Variants in OR56A3 observed in about 807,000 individuals in gnomAD.
OR56A3 encodes olfactory receptor family 56 subfamily A member 3, also known as olfactory receptor 56A3.
In OR56A3, 23 loss-of-function variants were observed where a neutral mutation model predicts 17.5. The ratio of observed to expected loss-of-function variants is 1.32; its 90% confidence interval spans 0.95 to 1.87. The LOEUF (loss-of-function observed/expected upper bound fraction) is 1.87, where lower values mean the gene tolerates loss of function less well. Ranked by LOEUF, OR56A3 falls within the 40% of genes most tolerant of loss-of-function variation. OR56A3 has a pLI of 0.00. For missense variants in OR56A3, 366 were observed against 380.1 expected, an observed-to-expected ratio of 0.96 and a Z score of 0.31; for synonymous variants, 175 against 150.6, an observed-to-expected ratio of 1.16 and a Z score of -1.19.
Position 5,947,399 on chromosome 11 carries a change from T to A in OR56A3, c.53T>A (p.Leu18Ter). 6.2e-7 allele frequency: 1 copy of A among 1,613,934 alleles called. No homozygotes were observed. Residue 18 changes from leucine (L) to a stop codon, truncating the protein, a stop_gained, in exon 3 of 3, where the codon TTG becomes TAG. Coordinates refer to ENST00000641160, the MANE Select transcript of OR56A3 (RefSeq NM_001003443.3). LOFTEE classifies it high-confidence loss of function. ...TLSTEASDFLLNCFVRSPSWQ... is the reference protein window; with the variant it reads ...TLSTEASDFL ...TCCACTGAAGCTTCAGACTTCCTCTTGAATTGTTTTGTCAGATCCCCCAGC... is the reference window on the plus strand; with the variant it reads ...TCCACTGAAGCTTCAGACTTCCTCTAGAATTGTTTTGTCAGATCCCCCAGC...
At chr11:6,002,223 A>G in the OR56A3 span, 1 of 1,614,174 alleles carries the variant, frequency 6.2e-7, no homozygotes, top group Non-Finnish European at 8.5e-7. Flanking sequence ...AACCAGCAGG[A>G]CTGTGCTGAA....
At chr11:5,977,286 C>T in the OR56A3 span, among the ~76,000 whole-genome samples, 627 of 152,256 alleles carry the variant, frequency 4.1e-3, 2 homozygotes, top group African/African-American at 0.015. Context: ...TGAGAAATCT[C>T]CAAACTGCTT....
chr11:5,979,876 ATATGT>A, the OR56A3 span, among the ~76,000 whole-genome samples: 10 of 151,962 alleles, frequency 6.6e-5, no homozygotes, highest in African/African-American at 2.2e-4. Flanking sequence ...AGAGATTCTC[ATATGT>A]TATATCTCTG....
chr11:5,987,053 C>CACCAAAGGAGAT, the OR56A3 span: 2 of 850,296 alleles, frequency 2.4e-6, no homozygotes, highest in Non-Finnish European at 3.6e-6. Flanking sequence ...AGAAAATCTC[C>CACCAAAGGAGAT]TTTGGTGGAG....
chr11:6,008,706 C>T, the OR56A3 span, among the ~76,000 whole-genome samples: 1 of 151,950 alleles, frequency 6.6e-6, no homozygotes, highest in Non-Finnish European at 1.5e-5. Flanking sequence ...ATTTAACAAA[C>T]ATTAATCTTG....
the OR56A3 span, among the ~76,000 whole-genome samples, chr11:5,983,016 A>T: frequency 6.6e-6 from 1 of 151,458 alleles, no homozygotes; most frequent in Non-Finnish European, 1.5e-5. Flanking sequence ...AAGTGTTGTC[A>T]GTATTCTTGA....
At chr11:6,007,841 G>A in the OR56A3 span, among the ~76,000 whole-genome samples, 9 of 152,194 alleles carry the variant, frequency 5.9e-5, no homozygotes, top group Non-Finnish European at 1.3e-4. Flanking sequence ...TGCTTTTCCT[G>A]TGAACCTTTC....
At chr11:6,014,007 A>G in the OR56A3 span, among the ~76,000 whole-genome samples, 1 of 152,194 alleles carries the variant, frequency 6.6e-6, no homozygotes, top group Non-Finnish European at 1.5e-5. Context: ...CACTACCAGT[A>G]CCCAAACAAG....
chr11:5,986,816 C>G, the OR56A3 span: 10 of 1,613,902 alleles, frequency 6.2e-6, no homozygotes, highest in African/African-American at 1.2e-4. Flanking sequence ...TGGCTTTCCT[C>G]TAAACCTGGA....
the OR56A3 span, chr11:5,999,561 C>G: frequency 2.6e-5 from 4 of 152,258 alleles, no homozygotes; most frequent in Admixed American, 2.0e-4. Context: ...TGTCTCAATC[C>G]TAATGGTCTT....
rs776891153 is a variant in OR56A3 at position 5,947,337 on chromosome 11, A to G, written c.-10A>G. On this transcript the variant is annotated 5_prime_UTR_variant, in exon 3 of 3. The change creates a new upstream start codon in the 5' untranslated region. Coordinates refer to ENST00000641160, the MANE Select transcript of OR56A3 (RefSeq NM_001003443.3). Reference sequence around the variant, plus strand: ...TCACTGAAAGAAAGCAGTAAAATATATGGGAAAATATGACAACACACCGAA... The same window carrying G: ...TCACTGAAAGAAAGCAGTAAAATATGTGGGAAAATATGACAACACACCGAA... 6 of 1,568,278 alleles carry G rather than the reference A, an allele frequency of 3.8e-6. No individual in the cohort carries two copies. Among genetic ancestry groups the G allele is most frequent in the Middle Eastern group, 1.7e-4 (1 of 5,810 alleles).
the OR56A3 span, among the ~76,000 whole-genome samples, chr11:6,010,817 A>ATGTG: frequency 1.3e-3 from 196 of 149,878 alleles, 1 homozygote; most frequent in Non-Finnish European, 1.4e-3. Flanking sequence ...CAAGACAGAA[A>ATGTG]TGTGTGTGTG....
At chr11:6,016,769 C>G in the OR56A3 span, among the ~76,000 whole-genome samples, 1 of 149,608 alleles carries the variant, frequency 6.7e-6, no homozygotes, top group South Asian at 2.1e-4. Context: ...AAAAAAAACC[C>G]CAGAAAATCA....
At chr11:6,002,716 TGA>T in the OR56A3 span, 1 of 1,614,208 alleles carries the variant, frequency 6.2e-7, no homozygotes, top group East Asian at 2.2e-5. Flanking sequence ...CTGATCGACC[TGA>T]GGTCAAACCA....
chr11:6,001,852 GA>G, the OR56A3 span: 2 of 522,620 alleles, frequency 3.8e-6, no homozygotes, highest in Non-Finnish European at 6.4e-6. Flanking sequence ...CCAGAAAAGG[GA>G]GGTTTCCTTT....
At chr11:5,990,543 C>T in the OR56A3 span, among the ~76,000 whole-genome samples, 1 of 152,248 alleles carries the variant, frequency 6.6e-6, no homozygotes, top group Non-Finnish European at 1.5e-5. Flanking sequence ...AGAGAGGCTC[C>T]ATCTATGGGA....
At chr11:5,966,826 A>G in the OR56A3 span, among the ~76,000 whole-genome samples, 3 of 151,974 alleles carry the variant, frequency 2.0e-5, no homozygotes, top group African/African-American at 4.8e-5. Flanking sequence ...AAAGTCAGGT[A>G]GGATAGTATG....
At chr11:6,002,669 GT>G in the OR56A3 span, 1 of 1,614,232 alleles carries the variant, frequency 6.2e-7, no homozygotes, top group Non-Finnish European at 8.5e-7. Flanking sequence ...TCAAAAAACT[GT>G]TCATGATGAA....
chr11:5,982,344 T>C, the OR56A3 span, among the ~76,000 whole-genome samples: 14 of 152,160 alleles, frequency 9.2e-5, no homozygotes, highest in African/African-American at 3.4e-4. Flanking sequence ...TGCATGACTC[T>C]AGCAAAGCAG....
Sources: allele counts gnomAD v4.1 joint callset (sites outside exome capture counted in the v4.1 genomes callset), GRCh38; gene constraint gnomAD v4.1.1; transcripts MANE v1.5; gene names NCBI Gene and HGNC (gene_info 2026-07-23, HGNC 2026-07-21).